Variants in NEK1 observed in about 807,000 individuals in gnomAD.
NEK1 encodes the protein serine/threonine-protein kinase Nek1.
NEK1 carries 137 observed loss-of-function variants against 182.1 expected under a neutral mutation model. The observed-to-expected ratio is 0.75, with a 90% confidence interval of 0.65 to 0.87. NEK1 has a LOEUF of 0.87. Ranked by LOEUF, NEK1 falls within the 40% of genes least tolerant of loss-of-function variation. The pLI is 0.00. For missense variants in NEK1, 1,391 were observed against 1,494.4 expected (o/e 0.93, Z 1.14); for synonymous variants, 513 against 492.2 (o/e 1.04, Z -0.56).
intron 19 of NEK1, among the ~76,000 whole-genome samples, chr4:169,524,448 C>T (rs34413230): frequency 0.047 from 5,856 of 124,570 alleles, 149 homozygotes; most frequent in African/African-American, 0.079. Context: ...GCAATGAGAG[C>T]GAAATTCCAT....
intron 30 of NEK1, 23 bp downstream of exon 30, chr4:169,426,123 T>C (rs1736345231): frequency 1.3e-6 from 2 of 1,553,036 alleles, no homozygotes; most frequent in Non-Finnish European, 1.8e-6. Flanking sequence ...AGAAAGTAAT[T>C]AGACTAATGC....
At chr4:169,426,279 T>C (rs755151295) in intron 29 of NEK1, 45 bp from the exon 30 acceptor site, 10 of 1,506,226 alleles carry the variant, frequency 6.6e-6, no homozygotes, top group Non-Finnish European at 9.2e-6. Context: ...ACACTTAGTT[T>C]ACCAGAAATA....
intron 35 of NEK1, 75 bp from the exon 36 acceptor site, chr4:169,394,598 C>A (rs1730389542): frequency 2.3e-6 from 2 of 860,198 alleles, no homozygotes; most frequent in South Asian, 3.4e-5. Flanking sequence ...CATTCTTGTT[C>A]ATGCTAAAGG....
At chr4:169,421,335 G>T (rs1421495050) in intron 31 of NEK1, among the ~76,000 whole-genome samples, 1 of 152,024 alleles carries the variant, frequency 6.6e-6, no homozygotes, top group Non-Finnish European at 1.5e-5. Flanking sequence ...ATTTTTATTT[G>T]CCCCAAAACA....
chr4:169,592,856 A>G (rs976809758), intron 5 of NEK1, among the ~76,000 whole-genome samples: 3 of 152,336 alleles, frequency 2.0e-5, no homozygotes, highest in Middle Eastern at 3.4e-3. Flanking sequence ...GAATATACTC[A>G]CAAATACCTA....
intron 23 of NEK1, among the ~76,000 whole-genome samples, chr4:169,488,613 C>G (rs1013518209): frequency 4.6e-5 from 7 of 152,090 alleles, no homozygotes; most frequent in Non-Finnish European, 8.8e-5. Flanking sequence ...AAATATTATA[C>G]TTTTGAGAAT....
intron 24 of NEK1, among the ~76,000 whole-genome samples, chr4:169,478,592 T>C (rs1747409381): frequency 1.3e-5 from 2 of 152,172 alleles, no homozygotes; most frequent in Admixed American, 6.6e-5. Flanking sequence ...TGAGTTTTAT[T>C]TTCAAAATCA....
chr4:169,457,331 T>C (rs566263721), intron 27 of NEK1, among the ~76,000 whole-genome samples: 4 of 152,066 alleles, frequency 2.6e-5, no homozygotes, highest in Non-Finnish European at 4.4e-5. Context: ...CCAATAAATA[T>C]ATACACCTAC....
intron 12 of NEK1, among the ~76,000 whole-genome samples, chr4:169,569,066 AC>A (rs1764197245): frequency 1.3e-5 from 2 of 152,228 alleles, no homozygotes; most frequent in Admixed American, 6.5e-5. Flanking sequence ...TTAAAAGCAC[AC>A]TAAAAGTTAT....
intron 19 of NEK1, among the ~76,000 whole-genome samples, chr4:169,526,095 C>CA (rs1188265833): frequency 1.3e-5 from 2 of 152,128 alleles, no homozygotes; most frequent in African/African-American, 2.4e-5. Context: ...CCACCACCAA[C>CA]AAAAAACATG....
At chr4:169,419,593 C>T (rs71622340) in intron 31 of NEK1, among the ~76,000 whole-genome samples, 3 of 152,000 alleles carry the variant, frequency 2.0e-5, no homozygotes, top group Non-Finnish European at 2.9e-5. Flanking sequence ...AACAATACCA[C>T]GAAGGACAGG....
intron 5 of NEK1, among the ~76,000 whole-genome samples, chr4:169,597,900 C>T (rs1048282440): frequency 3.9e-5 from 6 of 151,946 alleles, no homozygotes; most frequent in African/African-American, 7.3e-5. Context: ...TGCCACTCCA[C>T]TCGAGCCTGG....
In NEK1 at chr4:169,559,196, T is replaced by C. The variant is rs879075304; in HGVS notation, c.1266+2284A>G. Among the ~76,000 whole-genome samples the C allele has an allele frequency of 3.3e-5, 5 of 152,292 alleles. No homozygotes were observed. The South Asian group carries it at 1.0e-3, about 32-fold the overall frequency. On this transcript the variant is annotated intron_variant, in intron 16 of 35. Coordinates refer to ENST00000507142, the MANE Select transcript of NEK1 (RefSeq NM_001199397.3). ...CTGATTAATACTGTATTAGACATCA[T>C]AGGAAAAAGCACTTTATTACACAAA...
intron 27 of NEK1, among the ~76,000 whole-genome samples, chr4:169,459,588 C>T (rs1351064103): frequency 3.9e-5 from 6 of 152,134 alleles, no homozygotes. Context: ...ATGTTTATAT[C>T]ATCTTTATTC....
chr4:169,494,420 C>T lies in NEK1; in HGVS notation c.2007+12617G>A, dbSNP rs564975571. Among the ~76,000 whole-genome samples, 6 of 152,322 alleles carry T rather than the reference C, an allele frequency of 3.9e-5. No individual in the cohort carries two copies. In the South Asian group the frequency reaches 1.2e-3, roughly 32 times the overall value. On this transcript the variant is annotated intron_variant, in intron 23 of 35. Coordinates refer to ENST00000507142, the MANE Select transcript of NEK1 (RefSeq NM_001199397.3). ...GCTTCATCCATGCCCCTACAAAGGA[C>T]ATGAACTCGTCATTTTTGATGGCTG...
chr4:169,414,819 C>A (rs1734257554), intron 31 of NEK1, among the ~76,000 whole-genome samples: 1 of 152,190 alleles, frequency 6.6e-6, no homozygotes, highest in South Asian at 2.1e-4. Context: ...TGGTTTAAAA[C>A]AAACTGATCA....
intron 31 of NEK1, among the ~76,000 whole-genome samples, chr4:169,419,034 T>C (rs1190552285): frequency 6.6e-6 from 1 of 152,118 alleles, no homozygotes; most frequent in Non-Finnish European, 1.5e-5. Context: ...ATTACTCATG[T>C]TTGTGGTGAT....
At chr4:169,478,569 T>C (rs566119458) in intron 24 of NEK1, among the ~76,000 whole-genome samples, 1 of 152,226 alleles carries the variant, frequency 6.6e-6, no homozygotes, top group African/African-American at 2.4e-5. Flanking sequence ...TCAAGAAACT[T>C]ATATTTTCCT....
intron 13 of NEK1, 84 bp from the exon 14 acceptor site, chr4:169,561,975 G>A (rs1362124855): frequency 8.3e-7 from 1 of 1,209,598 alleles, no homozygotes; most frequent in Non-Finnish European, 1.2e-6. Context: ...ACCAATGGCA[G>A]AGGTATGTTC....
Sources: gnomAD v4.1 joint callset for allele counts (sites outside exome capture counted in the v4.1 genomes callset) on GRCh38, gnomAD v4.1.1 for gene constraint, MANE v1.5 for transcripts, NCBI Gene and HGNC (gene_info 2026-07-23, HGNC 2026-07-21) for gene names.